CDH8: variants seen among roughly 807,000 people sequenced by gnomAD.
CDH8 encodes the protein cadherin-8.
In CDH8, 17 loss-of-function variants were observed where a neutral mutation model predicts 68.1. That is an observed-to-expected ratio of 0.25 (90% CI 0.17 to 0.37). CDH8 has a LOEUF of 0.37. Among genes scored for constraint, CDH8 ranks in the 10% least tolerant of loss-of-function variants. The pLI, the probability that CDH8 is intolerant of heterozygous loss-of-function variation, is 1.00. For synonymous variants in CDH8, 372 were observed against 365.1 expected (o/e 1.02, Z -0.21); for missense variants, 763 against 999.3 (o/e 0.76, Z 3.19).
chr16:62,006,531 G>A (rs751464451), intron 2 of CDH8, among the ~76,000 whole-genome samples: 6 of 152,142 alleles, frequency 3.9e-5, no homozygotes, highest in Non-Finnish European at 7.4e-5. Context: ...CTAAATGAGA[G>A]TTCATATATC....
intron 8 of CDH8, among the ~76,000 whole-genome samples, chr16:61,753,770 G>A (rs1355213654): frequency 6.6e-6 from 1 of 152,110 alleles, no homozygotes; most frequent in Non-Finnish European, 1.5e-5. Flanking sequence ...GGCCAAAATT[G>A]AGCCAAAGAA....
chr16:61,869,004 A>C (rs1963307538), intron 3 of CDH8, among the ~76,000 whole-genome samples: 1 of 152,180 alleles, frequency 6.6e-6, no homozygotes, highest in Admixed American at 6.5e-5. Flanking sequence ...TCAGCCCTGA[A>C]GATGTGCTGA....
In CDH8 at chr16:61,961,024, C is replaced by T. The variant is rs554256631; in HGVS notation, c.253-59551G>A. 5.3e-5 allele frequency among the ~76,000 whole-genome samples: 8 copies of T among 152,178 alleles called. No individual in the cohort carries two copies. The South Asian group carries it at 1.2e-3, about 24-fold the overall frequency. On this transcript the variant is annotated intron_variant, in intron 2 of 11. Coordinates refer to ENST00000577390, the MANE Select transcript of CDH8 (RefSeq NM_001796.5). ...GAAGACAGAAGGATCTCTATAAGAA[C>T]AGGAATTGGGGCTGGGCACGGTGGC...
Position 61,656,942 on chromosome 16 carries a change from A to G in CDH8, c.1655-1221T>C, listed in dbSNP as rs373723669. 4.6e-5 allele frequency among the ~76,000 whole-genome samples: 7 copies of G among 152,288 alleles called. No homozygotes were observed. The East Asian group carries it at 9.7e-4, about 21-fold the overall frequency. On this transcript the variant is annotated intron_variant, in intron 10 of 11. Coordinates refer to ENST00000577390, the MANE Select transcript of CDH8 (RefSeq NM_001796.5). ...TCTCATGTTGATTACTGAAAGATATACATTTACTCAAAATGGAAATGCTGA... is the reference window on the plus strand; with the variant it reads ...TCTCATGTTGATTACTGAAAGATATGCATTTACTCAAAATGGAAATGCTGA...
chr16:61,884,379 T>C (rs1963633468), intron 3 of CDH8, among the ~76,000 whole-genome samples: 1 of 151,780 alleles, frequency 6.6e-6, no homozygotes, highest in Admixed American at 6.6e-5. Context: ...TTATGATTTT[T>C]TTTTTTTTTT....
intron 3 of CDH8, among the ~76,000 whole-genome samples, chr16:61,887,231 A>T (rs958587368): frequency 2.0e-5 from 3 of 152,082 alleles, no homozygotes; most frequent in Non-Finnish European, 2.9e-5. Context: ...ATAATTTAGT[A>T]AACAGATTGT....
chr16:61,719,473 T>C (rs1959201448), intron 9 of CDH8, among the ~76,000 whole-genome samples: 1 of 151,222 alleles, frequency 6.6e-6, no homozygotes, highest in African/African-American at 2.4e-5. Context: ...GCCTCTTGCA[T>C]TCTTTTGGTG....
intron 10 of CDH8, among the ~76,000 whole-genome samples, chr16:61,682,719 T>C (rs941443489): frequency 6.6e-6 from 1 of 151,990 alleles, no homozygotes; most frequent in Non-Finnish European, 1.5e-5. Flanking sequence ...AAATGCTTGT[T>C]CTGTCCAAGA....
At chr16:61,665,206 T>C (rs150469820) in intron 10 of CDH8, among the ~76,000 whole-genome samples, 1,603 of 152,030 alleles carry the variant, frequency 0.011, 36 homozygotes, top group African/African-American at 0.037. Context: ...GAAGAGCTCA[T>C]GTGGGCTCAG....
chr16:61,754,441 G>C (rs1376544347), intron 8 of CDH8, among the ~76,000 whole-genome samples: 1 of 152,044 alleles, frequency 6.6e-6, no homozygotes, highest in Non-Finnish European at 1.5e-5. Flanking sequence ...ACAAGTGATT[G>C]CATGAACTGA....
At chr16:61,945,270 G>C (rs74021704) in intron 2 of CDH8, among the ~76,000 whole-genome samples, 2 of 152,140 alleles carry the variant, frequency 1.3e-5, no homozygotes, top group East Asian at 3.9e-4. Context: ...AATGAGAAAT[G>C]CACTCTATCT....
At chr16:61,947,318 G>T (rs1180883068) in intron 2 of CDH8, among the ~76,000 whole-genome samples, 2 of 152,172 alleles carry the variant, frequency 1.3e-5, no homozygotes, top group African/African-American at 4.8e-5. Flanking sequence ...TATATTAAAT[G>T]TGTCAAAGAA....
At chr16:61,969,968 C>T (rs982815942) in intron 2 of CDH8, among the ~76,000 whole-genome samples, 4 of 152,182 alleles carry the variant, frequency 2.6e-5, no homozygotes, top group African/African-American at 7.2e-5. Flanking sequence ...TAACCTCCTT[C>T]GCTGCTATGT....
chr16:61,852,599 C>T (rs1714839736), intron 4 of CDH8, among the ~76,000 whole-genome samples: 1 of 151,918 alleles, frequency 6.6e-6, no homozygotes, highest in African/African-American at 2.4e-5. Flanking sequence ...GAATGCTGCT[C>T]CTAAATGAAT....
chr16:61,677,782 T>A (rs1963942446), intron 10 of CDH8, among the ~76,000 whole-genome samples: 1 of 151,942 alleles, frequency 6.6e-6, no homozygotes, highest in African/African-American at 2.4e-5. Context: ...ACCACCTGAA[T>A]AGACCCCTCC....
intron 3 of CDH8, among the ~76,000 whole-genome samples, chr16:61,883,605 A>C (rs909485134): frequency 6.6e-6 from 1 of 151,704 alleles, no homozygotes; most frequent in Non-Finnish European, 1.5e-5. Flanking sequence ...TATGAATAAA[A>C]ACAAGTATAG....
chr16:61,901,595 T>C, intron 2 of CDH8, 122 bp from the exon 3 acceptor site: 1 of 657,510 alleles, frequency 1.5e-6, no homozygotes. Flanking sequence ...CTGCTAATAG[T>C]AGCTGTACAA....
At chr16:61,700,315 C>G (rs1280402019) in intron 10 of CDH8, among the ~76,000 whole-genome samples, 1 of 148,454 alleles carries the variant, frequency 6.7e-6, no homozygotes, top group Non-Finnish European at 1.5e-5. Flanking sequence ...GCGTCTCACT[C>G]TGTCGCCCAG....
intron 9 of CDH8, chr16:61,725,924 G>A (rs1959349952): frequency 6.6e-6 from 1 of 150,608 alleles, no homozygotes; most frequent in Non-Finnish European, 1.5e-5. Flanking sequence ...GTGGTGTGGT[G>A]TGTCTTATTC....
Sources: allele counts gnomAD v4.1 joint callset (sites outside exome capture counted in the v4.1 genomes callset), GRCh38; gene constraint gnomAD v4.1.1; transcripts MANE v1.5; gene names NCBI Gene and HGNC (gene_info 2026-07-23, HGNC 2026-07-21).